METTL25: variants seen among roughly 807,000 people sequenced by gnomAD.
METTL25 encodes probable methyltransferase-like protein 25.
Under a neutral mutation model 71.6 loss-of-function variants are expected in METTL25, and 64 were observed. The observed-to-expected ratio is 0.89, with a 90% confidence interval of 0.73 to 1.10. METTL25 has a LOEUF of 1.10. Among genes scored for constraint, METTL25 ranks in the 50% least tolerant of loss-of-function variants. The pLI is 0.00. For synonymous variants in METTL25, 287 were observed against 250.3 expected (o/e 1.15, Z -1.38); for missense variants, 807 against 707.0 (o/e 1.14, Z -1.60).
At chr12:82,372,223 T>C (rs1488555582) in intron 1 of METTL25, among the ~76,000 whole-genome samples, 1 of 152,164 alleles carries the variant, frequency 6.6e-6, no homozygotes, top group Non-Finnish European at 1.5e-5. Context: ...CTTGATCTGC[T>C]TTAAATCAGA....
chr12:82,432,204 A>G (rs1017316781), intron 6 of METTL25, among the ~76,000 whole-genome samples: 16 of 151,834 alleles, frequency 1.1e-4, no homozygotes, highest in African/African-American at 3.6e-4. Flanking sequence ...ATAGCAATAT[A>G]AGAAATAGTG....
At chr12:82,418,391 A>G (rs78591087) in intron 5 of METTL25, among the ~76,000 whole-genome samples, 1 of 152,140 alleles carries the variant, frequency 6.6e-6, no homozygotes, top group African/African-American at 2.4e-5. Context: ...TCATGACTGC[A>G]TAAAATTATA....
At chr12:82,407,727 A>G in intron 5 of METTL25, 1 of 798,646 alleles carries the variant, frequency 1.3e-6, no homozygotes, top group African/African-American at 1.9e-5. Flanking sequence ...TTCGGAGGTC[A>G]AGAAAACAGT....
intron 5 of METTL25, among the ~76,000 whole-genome samples, chr12:82,417,396 A>G (rs1356454738): frequency 1.3e-5 from 2 of 152,180 alleles, no homozygotes; most frequent in Admixed American, 6.5e-5. Flanking sequence ...CTTTCAACAT[A>G]AGTAATAAAT....
At chr12:82,381,375 A>G (rs1884426103) in intron 1 of METTL25, among the ~76,000 whole-genome samples, 1 of 152,236 alleles carries the variant, frequency 6.6e-6, no homozygotes, top group Admixed American at 6.5e-5. Flanking sequence ...CACTTTATAC[A>G]TTCAATGTGA....
chr12:82,460,329 C>T lies in METTL25; in HGVS notation c.1572+3509C>T, dbSNP rs546026188. ...TCCAAATAATTTATATAGATATTTCCTCCTCAAGGAGATAGAGCAAAACTC... is the reference window on the plus strand; with the variant it reads ...TCCAAATAATTTATATAGATATTTCTTCCTCAAGGAGATAGAGCAAAACTC... On this transcript the variant is annotated intron_variant, in intron 9 of 11. Transcript: ENST00000248306. 1.4e-4 allele frequency among the ~76,000 whole-genome samples: 21 copies of T among 152,254 alleles called. No homozygotes were observed. The South Asian group carries it at 2.1e-3, about 15-fold the overall frequency.
chr12:82,360,559 C>T (rs1271304188), intron 1 of METTL25, among the ~76,000 whole-genome samples: 1 of 151,604 alleles, frequency 6.6e-6, no homozygotes, highest in Non-Finnish European at 1.5e-5. Flanking sequence ...CTGGCAAGAC[C>T]TCACTGAGGT....
At chr12:82,383,380 A>G (rs1175770416) in intron 1 of METTL25, among the ~76,000 whole-genome samples, 2 of 152,028 alleles carry the variant, frequency 1.3e-5, no homozygotes, top group South Asian at 2.1e-4. Context: ...CAACTGTGGC[A>G]TGCTAATGGA....
intron 8 of METTL25, among the ~76,000 whole-genome samples, chr12:82,446,611 CTTTT>C (rs1033730185): frequency 7.4e-6 from 1 of 134,334 alleles, no homozygotes; most frequent in Admixed American, 7.5e-5. Flanking sequence ...TTTAAAATTT[CTTTT>C]TTTTTTTTTT....
intron 1 of METTL25, among the ~76,000 whole-genome samples, chr12:82,382,558 A>G (rs1459889812): frequency 6.6e-6 from 1 of 152,166 alleles, no homozygotes; most frequent in African/African-American, 2.4e-5. Context: ...TCATTCATGC[A>G]ATTCATTCAT....
Position 82,386,917 on chromosome 12 carries a change from C to T in METTL25, c.374C>T (p.Pro125Leu). The T allele has an allele frequency of 6.2e-7, 1 of 1,613,410 alleles. No homozygotes were observed. The highest frequency in any genetic ancestry group is 8.5e-7 in the Non-Finnish European group (1 of 1,179,598). Residue 125 changes from proline to leucine, a missense_variant, in exon 2 of 12, where the codon CCT (proline) becomes CTT (leucine). Physicochemically the swap from Pro to Leu is moderately conservative, Grantham distance 98. Coordinates refer to ENST00000248306, the MANE Select transcript of METTL25 (RefSeq NM_032230.3). ...YSVQNLGICT[P>L]FEQLLVALRG... ...GTACAAAACTTGGGAATATGTACTC[C>T]TTTTGAACAGTTGCTTGTAGCCCTT...
intron 9 of METTL25, among the ~76,000 whole-genome samples, chr12:82,465,873 C>G (rs1285710772): frequency 6.6e-6 from 1 of 151,586 alleles, no homozygotes; most frequent in East Asian, 1.9e-4. Context: ...ACTGCATTTT[C>G]TAATTTTTTG....
intron 5 of METTL25, among the ~76,000 whole-genome samples, chr12:82,416,642 T>C (rs1270795462): frequency 6.6e-6 from 1 of 151,846 alleles, no homozygotes; most frequent in Non-Finnish European, 1.5e-5. Context: ...TTTTGTTTTG[T>C]TTTTGTCATA....
chr12:82,384,723 A>G (rs2136933865), intron 1 of METTL25, among the ~76,000 whole-genome samples: 1 of 152,188 alleles, frequency 6.6e-6, no homozygotes, highest in African/African-American at 2.4e-5. Context: ...TTCATGTTGG[A>G]TTGGATTTTT....
chr12:82,366,267 T>G (rs1009098839), intron 1 of METTL25, among the ~76,000 whole-genome samples: 1 of 152,182 alleles, frequency 6.6e-6, no homozygotes, highest in African/African-American at 2.4e-5. Flanking sequence ...TTAAATTAGC[T>G]GGGGATAGCC....
chr12:82,367,110 C>T (rs1016680866), intron 1 of METTL25, among the ~76,000 whole-genome samples: 1 of 152,150 alleles, frequency 6.6e-6, no homozygotes, highest in African/African-American at 2.4e-5. Flanking sequence ...CCACTACTTT[C>T]CCCTTTCCCC....
intron 5 of METTL25, among the ~76,000 whole-genome samples, chr12:82,427,148 A>G (rs1889096040): frequency 6.6e-6 from 1 of 151,796 alleles, no homozygotes; most frequent in Non-Finnish European, 1.5e-5. Flanking sequence ...TTATTTTCCT[A>G]CCTAATCAAA....
chr12:82,387,532 C>T (rs964220102), intron 2 of METTL25, among the ~76,000 whole-genome samples: 1 of 151,470 alleles, frequency 6.6e-6, no homozygotes, highest in Non-Finnish European at 1.5e-5. Flanking sequence ...TTTTATCTTA[C>T]ACAAACCTCT....
chr12:82,473,302 G>A (rs944632337), intron 9 of METTL25, among the ~76,000 whole-genome samples: 2 of 152,138 alleles, frequency 1.3e-5, no homozygotes, highest in African/African-American at 4.8e-5. Context: ...CCAGCCTGGG[G>A]TGTGGCTGCC....
Sources: allele counts gnomAD v4.1 joint callset (sites outside exome capture counted in the v4.1 genomes callset), GRCh38; gene constraint gnomAD v4.1.1; transcripts MANE v1.5; gene names NCBI Gene and HGNC (gene_info 2026-07-23, HGNC 2026-07-21).